Variants in CPHXL2 observed in about 807,000 individuals in gnomAD.
CPHXL2 encodes the protein cytoplasmic polyadenylated homeobox like 2, also known as cytoplasmic polyadenylated homeobox-like protein 2.
At chr16:75,675,543 A>T in the CPHXL2 span, among the ~76,000 whole-genome samples, 3 of 152,158 alleles carry the variant, frequency 2.0e-5, no homozygotes, top group Admixed American at 2.0e-4. Context: ...TTCACCGAAG[A>T]AAAAATGTTT....
the CPHXL2 span, among the ~76,000 whole-genome samples, chr16:75,663,885 CAAAAAAA>C: frequency 0.074 from 6,354 of 85,510 alleles, 190 homozygotes; most frequent in African/African-American, 0.11. Context: ...GACTCTGTCT[CAAAAAAA>C]AAAAAAAAAA....
the CPHXL2 span, among the ~76,000 whole-genome samples, chr16:75,670,806 A>G: frequency 6.6e-6 from 1 of 152,078 alleles, no homozygotes; most frequent in Admixed American, 6.6e-5. Flanking sequence ...GTAAAATTTT[A>G]TTTTTTAATA....
At chr16:75,662,503 C>T in the CPHXL2 span, among the ~76,000 whole-genome samples, 1 of 151,972 alleles carries the variant, frequency 6.6e-6, no homozygotes, top group African/African-American at 2.4e-5. Flanking sequence ...CAGCTCTCAT[C>T]CTGAAGCTAC....
chr16:75,666,698 A>G, the CPHXL2 span, among the ~76,000 whole-genome samples: 1 of 152,192 alleles, frequency 6.6e-6, no homozygotes, highest in South Asian at 2.1e-4. Context: ...ACAAAAAACA[A>G]TGGATTTAAG....
At chr16:75,672,484 T>G in the CPHXL2 span, among the ~76,000 whole-genome samples, 2 of 152,054 alleles carry the variant, frequency 1.3e-5, no homozygotes, top group African/African-American at 4.8e-5. Flanking sequence ...CCAGCATTTA[T>G]AATTTTTTGT....
At chr16:75,674,778 C>T in the CPHXL2 span, among the ~76,000 whole-genome samples, 5 of 151,780 alleles carry the variant, frequency 3.3e-5, no homozygotes, top group Admixed American at 2.0e-4. Flanking sequence ...GGCACGATCT[C>T]GGCTCACTGC....
the CPHXL2 span, among the ~76,000 whole-genome samples, chr16:75,670,456 CAT>C: frequency 3.0e-4 from 46 of 152,270 alleles, no homozygotes; most frequent in East Asian, 6.9e-3. Context: ...TTAAATTAAA[CAT>C]GTGTAAATAT....
chr16:75,676,395 C>CT, the CPHXL2 span, among the ~76,000 whole-genome samples: 4 of 152,172 alleles, frequency 2.6e-5, no homozygotes, highest in Admixed American at 1.3e-4. Flanking sequence ...ATGATCATAG[C>CT]TTATGGCAGT....
chr16:75,667,789 A>C, the CPHXL2 span, among the ~76,000 whole-genome samples: 2 of 152,252 alleles, frequency 1.3e-5, no homozygotes, highest in Non-Finnish European at 2.9e-5. Flanking sequence ...TTTATCTGAC[A>C]TGTGAAACAT....
chr16:75,662,922 C>T, the CPHXL2 span, among the ~76,000 whole-genome samples: 2 of 151,884 alleles, frequency 1.3e-5, no homozygotes, highest in Non-Finnish European at 1.5e-5. Flanking sequence ...CCTCAGCCTC[C>T]TGAGTAGCTG....
chr16:75,674,703 T>TGC, the CPHXL2 span, among the ~76,000 whole-genome samples: 1 of 152,002 alleles, frequency 6.6e-6, no homozygotes, highest in Non-Finnish European at 1.5e-5. Flanking sequence ...TATATATATA[T>TGC]GCAATACCAT....
the CPHXL2 span, among the ~76,000 whole-genome samples, chr16:75,665,227 A>G: frequency 6.6e-6 from 1 of 152,234 alleles, no homozygotes; most frequent in Non-Finnish European, 1.5e-5. Flanking sequence ...CTTAAGAGCC[A>G]TGAGACAAAA....
At chr16:75,661,306 T>C in the CPHXL2 span, 1 of 400,070 alleles carries the variant, frequency 2.5e-6, no homozygotes, top group Non-Finnish European at 4.4e-6. Flanking sequence ...TATATGCCTC[T>C]ATGCATTCCT....
At chr16:75,660,887 G>A in the CPHXL2 span, 4 of 398,600 alleles carry the variant, frequency 1.0e-5, no homozygotes, top group East Asian at 1.4e-4. Flanking sequence ...CAGTACCTGC[G>A]ACCAGATAGG....
the CPHXL2 span, among the ~76,000 whole-genome samples, chr16:75,670,795 C>T: frequency 2.0e-5 from 3 of 152,170 alleles, no homozygotes; most frequent in Non-Finnish European, 4.4e-5. Context: ...CCACGCCAGG[C>T]GTAAAATTTT....
the CPHXL2 span, chr16:75,676,899 A>G: frequency 1.0e-5 from 4 of 398,520 alleles, no homozygotes; most frequent in Non-Finnish European, 1.8e-5. Flanking sequence ...ATTATAAGGT[A>G]AAAGTTGAAA....
At chr16:75,669,160 A>G in the CPHXL2 span, among the ~76,000 whole-genome samples, 1 of 152,058 alleles carries the variant, frequency 6.6e-6, no homozygotes, top group Non-Finnish European at 1.5e-5. Flanking sequence ...TACAAAAAAT[A>G]CAAAGCCCAG....
chr16:75,676,513 G>A, the CPHXL2 span, among the ~76,000 whole-genome samples: 1 of 152,050 alleles, frequency 6.6e-6, no homozygotes, highest in Non-Finnish European at 1.5e-5. Flanking sequence ...GTAGAAATAG[G>A]GTCTTGCTAT....
the CPHXL2 span, among the ~76,000 whole-genome samples, chr16:75,670,478 T>A: frequency 6.6e-6 from 1 of 152,216 alleles, no homozygotes; most frequent in Non-Finnish European, 1.5e-5. Flanking sequence ...TTTGCTATTT[T>A]TGGCATGCAC....
Sources: allele counts gnomAD v4.1 joint callset (sites outside exome capture counted in the v4.1 genomes callset), GRCh38; gene constraint gnomAD v4.1.1; transcripts MANE v1.5; gene names NCBI Gene and HGNC (gene_info 2026-07-23, HGNC 2026-07-21).